The following FHIT variants were observed in gnomAD, a reference collection of about 807,000 sequenced individuals.
The protein encoded by FHIT is bis(5'-adenosyl)-triphosphatase.
In FHIT, 19 loss-of-function variants were observed where a neutral mutation model predicts 17.9. The observed-to-expected ratio is 1.06, with a 90% CI of 0.74 to 1.56. FHIT has a LOEUF of 1.56. Among genes scored for constraint, FHIT ranks in the 40% most tolerant of loss-of-function variants. The pLI is 0.00. For missense variants in FHIT, 248 were observed against 189.2 expected (o/e 1.31, Z -1.82); for synonymous variants, 81 against 69.7 (o/e 1.16, Z -0.81).
intron 3 of FHIT, among the ~76,000 whole-genome samples, chr3:60,949,922 T>C (rs1423062969): frequency 2.1e-4 from 32 of 152,218 alleles, no homozygotes; most frequent in African/African-American, 7.5e-4. Context: ...TTAATTATGG[T>C]ATAGCCATAA....
At chr3:59,869,648 AT>A (rs34995397) in intron 8 of FHIT, among the ~76,000 whole-genome samples, 74,558 of 145,474 alleles carry the variant, frequency 0.51, 19,486 homozygotes, top group African/African-American at 0.66. Flanking sequence ...CGCCCAGCTA[AT>A]TTTTTTTTTT....
intron 3 of FHIT, among the ~76,000 whole-genome samples, chr3:60,960,902 T>G (rs9814616): frequency 0.013 from 1,982 of 152,342 alleles, 39 homozygotes; most frequent in African/African-American, 0.044. Context: ...CACGTGTGCA[T>G]GTGTCTTTAT....
At chr3:60,198,772 C>A (rs1702760466) in intron 5 of FHIT, among the ~76,000 whole-genome samples, 1 of 152,078 alleles carries the variant, frequency 6.6e-6, no homozygotes, top group Admixed American at 6.6e-5. Flanking sequence ...ATCTTTTTGG[C>A]AAATTCTTCA....
intron 8 of FHIT, among the ~76,000 whole-genome samples, chr3:59,881,037 T>C (rs1294087670): frequency 6.6e-6 from 1 of 152,158 alleles, no homozygotes; most frequent in East Asian, 1.9e-4. Context: ...AAAAAATAGA[T>C]TAATGGATGT....
chr3:60,680,768 A>T (rs1196552323), intron 4 of FHIT, among the ~76,000 whole-genome samples: 2 of 152,202 alleles, frequency 1.3e-5, no homozygotes, highest in Non-Finnish European at 2.9e-5. Flanking sequence ...TGCTGATGCT[A>T]AAAGGCCATC....
chr3:59,880,985 T>C (rs953262348), intron 8 of FHIT, among the ~76,000 whole-genome samples: 17 of 152,190 alleles, frequency 1.1e-4, no homozygotes, highest in Non-Finnish European at 2.4e-4. Context: ...AGCAGTGCTA[T>C]TGTTCCTTTG....
intron 5 of FHIT, among the ~76,000 whole-genome samples, chr3:60,484,904 G>C (rs192993552): frequency 1.3e-5 from 2 of 151,908 alleles, no homozygotes; most frequent in Admixed American, 6.6e-5. Flanking sequence ...TGCAATCTAC[G>C]CATCTGACAA....
At chr3:60,822,847 A>G (rs1701974300) in intron 3 of FHIT, among the ~76,000 whole-genome samples, 1 of 152,190 alleles carries the variant, frequency 6.6e-6, no homozygotes, top group South Asian at 2.1e-4. Context: ...AAATCACTCA[A>G]TGACAATGCA....
At chr3:59,849,666 T>C (rs549199198) in intron 8 of FHIT, among the ~76,000 whole-genome samples, 60 of 152,302 alleles carry the variant, frequency 3.9e-4, no homozygotes, top group African/African-American at 1.3e-3. Flanking sequence ...ACAAGAGACA[T>C]GTTTAGGAGG....
chr3:59,753,167 T>C lies in FHIT; in HGVS notation c.349-846A>G, dbSNP rs537378369. Among the ~76,000 whole-genome samples the C allele has an allele frequency of 5.3e-5, 8 of 152,274 alleles. No homozygotes were observed. The South Asian group carries it at 1.7e-3, about 32-fold the overall frequency. On this transcript the variant is annotated intron_variant, in intron 8 of 9. Transcript: ENST00000492590. ...CTCTTGCATGAGCTCTGAGCAGTTT[T>C]GTTCAGTGAACCAAATTTATGATAA... is the stretch of plus-strand genomic sequence containing the variant.
chr3:60,943,707 C>T (rs1375252768), intron 3 of FHIT, among the ~76,000 whole-genome samples: 1 of 152,138 alleles, frequency 6.6e-6, no homozygotes. Flanking sequence ...GTACTGCATA[C>T]CATAGCAAGC....
intron 7 of FHIT, among the ~76,000 whole-genome samples, chr3:59,927,183 G>C (rs1028530956): frequency 6.6e-5 from 10 of 151,958 alleles, no homozygotes; most frequent in Non-Finnish European, 8.8e-5. Context: ...CATGCTCAGG[G>C]AAATAAGCCA....
chr3:60,451,509 T>G (rs747540039), intron 5 of FHIT, among the ~76,000 whole-genome samples: 2 of 152,156 alleles, frequency 1.3e-5, no homozygotes, highest in Non-Finnish European at 2.9e-5. Context: ...AATGAAACCA[T>G]ATAGTACATA....
At chr3:61,210,394 GC>G (rs1449615200) in intron 1 of FHIT, among the ~76,000 whole-genome samples, 1 of 152,220 alleles carries the variant, frequency 6.6e-6, no homozygotes, top group Non-Finnish European at 1.5e-5. Flanking sequence ...TCTGTGCCCG[GC>G]CCCCAGAGGT....
chr3:61,149,257 G>A (rs964969684), intron 2 of FHIT, among the ~76,000 whole-genome samples: 18 of 152,126 alleles, frequency 1.2e-4, no homozygotes, highest in African/African-American at 4.1e-4. Flanking sequence ...GGGAAAAGAA[G>A]AGAAGGGTTT....
intron 7 of FHIT, among the ~76,000 whole-genome samples, chr3:59,962,309 G>C (rs1414164951): frequency 2.6e-5 from 4 of 152,074 alleles, no homozygotes; most frequent in Non-Finnish European, 5.9e-5. Flanking sequence ...ACTTTATACT[G>C]CCTGTTCTCA....
chr3:61,040,378 A>G (rs2033449625), intron 3 of FHIT, among the ~76,000 whole-genome samples: 1 of 152,230 alleles, frequency 6.6e-6, no homozygotes, highest in Admixed American at 6.5e-5. Context: ...TTGCACAAAG[A>G]GCAATTTAGG....
chr3:60,313,424 G>A (rs1709032835), intron 5 of FHIT, among the ~76,000 whole-genome samples: 1 of 152,196 alleles, frequency 6.6e-6, no homozygotes, highest in South Asian at 2.1e-4. Context: ...GGCTGAGTGA[G>A]CAGGCTGGCA....
At chr3:60,237,262 ATTTTTTT>A (rs201958097) in intron 5 of FHIT, among the ~76,000 whole-genome samples, 4 of 124,850 alleles carry the variant, frequency 3.2e-5, no homozygotes, top group Non-Finnish European at 5.0e-5. Context: ...TTGTTTTTCC[ATTTTTTT>A]TTTTTTTTTT....
Sources: gnomAD v4.1 joint callset for allele counts (sites outside exome capture counted in the v4.1 genomes callset) on GRCh38, gnomAD v4.1.1 for gene constraint, MANE v1.5 for transcripts, NCBI Gene and HGNC (gene_info 2026-07-23, HGNC 2026-07-21) for gene names.